The following PLAAT5 variants were observed in gnomAD, a reference collection of about 807,000 sequenced individuals.
PLAAT5 encodes Ca(2+)-independent N-acyltransferase.
Under a neutral mutation model 27.8 loss-of-function variants are expected in PLAAT5, and 27 were observed. The ratio of observed to expected loss-of-function variants is 0.97; its 90% CI spans 0.72 to 1.34. The LOEUF (loss-of-function observed/expected upper bound fraction) is 1.34, where lower values mean the gene tolerates loss of function less well. Among genes scored for constraint, PLAAT5 ranks in the 40% most tolerant of loss-of-function variants. The pLI, the probability that PLAAT5 is intolerant of heterozygous loss-of-function variation, is 0.00. For synonymous variants in PLAAT5, 125 were observed against 136.1 expected (o/e 0.92, Z 0.57); for missense variants, 368 against 343.8 (o/e 1.07, Z -0.56).
Position 63,473,823 on chromosome 11 carries a change from G to A in PLAAT5, c.346-5358C>T, listed in dbSNP as rs143792186. Among the ~76,000 whole-genome samples the A allele has an allele frequency of 7.6e-3, 1,142 of 150,044 alleles. 19 individuals are homozygous for A. Among genetic ancestry groups the A allele is most frequent in the African/African-American group, 0.027 (1,089 of 40,712 alleles). On this transcript the variant is annotated intron_variant, in intron 3 of 5. Coordinates refer to ENST00000540857, the MANE Select transcript of PLAAT5 (RefSeq NM_001146729.2). Reference sequence around the variant, plus strand: ...CACCTCCTGCGTTCAAGTGATTCTCGTGCCTCAGCCTCCCAAGTAGCTGGA... The same window carrying A: ...CACCTCCTGCGTTCAAGTGATTCTCATGCCTCAGCCTCCCAAGTAGCTGGA...
chr11:63,469,145 T>TGTGTGTGTGTGTGTGTGTGA (rs377110717), intron 3 of PLAAT5, among the ~76,000 whole-genome samples: 2 of 122,796 alleles, frequency 1.6e-5, no homozygotes, highest in African/African-American at 5.9e-5. Context: ...TGTGTGTGTG[T>TGTGTGTGTGTGTGTGTGTGA]GAGAGAGAGA....
At chr11:63,483,785 AT>A (rs59511630) in intron 3 of PLAAT5, among the ~76,000 whole-genome samples, 9,946 of 88,428 alleles carry the variant, frequency 0.11, 945 homozygotes, top group African/African-American at 0.25. Context: ...CAAAAAAAAA[AT>A]ATATATATAT....
chr11:63,476,245 A>G (rs2016149001), intron 3 of PLAAT5, among the ~76,000 whole-genome samples: 1 of 152,148 alleles, frequency 6.6e-6, no homozygotes, highest in Admixed American at 6.5e-5. Context: ...TACCTTTCAA[A>G]TTGGTCAGCA....
intron 4 of PLAAT5, 25 bp from the exon 5 acceptor site, chr11:63,466,397 T>C (rs978723452): frequency 3.1e-6 from 5 of 1,610,936 alleles, no homozygotes; most frequent in African/African-American, 2.7e-5. Flanking sequence ...CAAACAAAGG[T>C]TGGGAAATAC....
At chr11:63,479,122 C>T (rs563407618) in intron 3 of PLAAT5, among the ~76,000 whole-genome samples, 1 of 152,246 alleles carries the variant, frequency 6.6e-6, no homozygotes, top group African/African-American at 2.4e-5. Context: ...CCATAAATCC[C>T]GGAAGCCGGT....
In PLAAT5 at chr11:63,488,966, C is replaced by T. The variant is rs980805042; in HGVS notation, c.250G>A (p.Val84Ile). 1.9e-6 allele frequency: 3 copies of T among 1,609,134 alleles called. No individual in the cohort carries two copies. The highest frequency in any genetic ancestry group is 2.6e-6 in the Non-Finnish European group (3 of 1,176,184). ...GRSIQQGEKAVVSLETTPSQK... is the reference protein window; with the variant it reads ...GRSIQQGEKAIVSLETTPSQK... ...CTGGGTGTGGTCTCCAAGCTAACTA[C>T]AGCCTTCTCCCTAAATGATTTTGCA... The change falls in exon 3 of 6, where the codon GTA (valine) becomes ATA (isoleucine). Residue 84 changes from valine to isoleucine, a missense_variant. Physicochemically the swap from Val to Ile is conservative, Grantham distance 29. Coordinates refer to ENST00000540857, the MANE Select transcript of PLAAT5 (RefSeq NM_001146729.2).
chr11:63,482,616 T>A (rs994183994), intron 3 of PLAAT5, among the ~76,000 whole-genome samples: 3 of 152,120 alleles, frequency 2.0e-5, no homozygotes, highest in African/African-American at 7.2e-5. Flanking sequence ...TAAAAGGAGT[T>A]CTAAATCTTG....
chr11:63,484,162 A>G (rs564834688), intron 3 of PLAAT5, among the ~76,000 whole-genome samples: 2 of 150,818 alleles, frequency 1.3e-5, no homozygotes, highest in East Asian at 3.9e-4. Context: ...AACAACAGAA[A>G]AAAAAAAAAA....
At chr11:63,487,930 G>T (rs751359641) in intron 3 of PLAAT5, among the ~76,000 whole-genome samples, 6 of 152,230 alleles carry the variant, frequency 3.9e-5, no homozygotes, top group Non-Finnish European at 7.3e-5. Flanking sequence ...AGGATCATGA[G>T]GTCGGGAGAT....
At chr11:63,476,246 T>C (rs1399221484) in intron 3 of PLAAT5, among the ~76,000 whole-genome samples, 1 of 152,176 alleles carries the variant, frequency 6.6e-6, no homozygotes, top group African/African-American at 2.4e-5. Flanking sequence ...ACCTTTCAAA[T>C]TGGTCAGCAT....
In PLAAT5 at chr11:63,466,099, T is replaced by TG. The variant is rs1250129722; in HGVS notation, c.717+10dup. On this transcript the variant is annotated intron_variant, in intron 5 of 5. Transcript: ENST00000540857. ...TGGAAGAAGCCATCATCAGAGCAAA[T>TG]GGGGTCACACCTGCTGGCTCCGGGG... The TG allele has an allele frequency of 3.7e-6, 6 of 1,611,466 alleles. No individual in the cohort carries two copies. The African/African-American group carries it at 4.0e-5, about 11-fold the overall frequency.
At chr11:63,475,703 T>C (rs1590616823) in intron 3 of PLAAT5, among the ~76,000 whole-genome samples, 2 of 152,202 alleles carry the variant, frequency 1.3e-5, no homozygotes, top group South Asian at 4.1e-4. Flanking sequence ...TCTTTTGCCT[T>C]CTTTTTTGTA....
chr11:63,475,564 A>G (rs893402459), intron 3 of PLAAT5, among the ~76,000 whole-genome samples: 1 of 152,030 alleles, frequency 6.6e-6, no homozygotes, highest in Non-Finnish European at 1.5e-5. Context: ...ATCAAGTCAT[A>G]TGATCTCTGC....
At chr11:63,489,207 G>A (rs551789841) in intron 2 of PLAAT5, among the ~76,000 whole-genome samples, 75 of 152,210 alleles carry the variant, frequency 4.9e-4, no homozygotes, top group South Asian at 6.2e-4. Context: ...AGTTTTGGGG[G>A]TTTTTATTTT....
At chr11:63,471,988 G>A (rs2016037428) in intron 3 of PLAAT5, among the ~76,000 whole-genome samples, 1 of 152,144 alleles carries the variant, frequency 6.6e-6, no homozygotes, top group African/African-American at 2.4e-5. Flanking sequence ...GGAGCTGAAT[G>A]ATGAGAACAC....
rs763657277 is a variant in PLAAT5, at chr11:63,484,159, GAAA to G, written c.345+4709_345+4711del. On this transcript the variant is annotated intron_variant, in intron 3 of 5. Coordinates refer to ENST00000540857, the MANE Select transcript of PLAAT5 (RefSeq NM_001146729.2). ...GTAATTTTTAAAAATGCCAACAACA[GAAA>G]AAAAAAAAAAAGTCCAGGACCAGAC... 1.1e-3 allele frequency among the ~76,000 whole-genome samples: 114 copies of G among 107,246 alleles called. 1 individual carries two copies. Among genetic ancestry groups the G allele is most frequent in the Non-Finnish European group, 3.5e-4 (17 of 48,942 alleles). 70.4% of individuals were successfully genotyped at this position (107,246 alleles called of 152,430 possible).
chr11:63,490,915 C>T lies in PLAAT5; in HGVS notation c.120G>A (p.Ala40=). 1 of 1,602,124 alleles carries T rather than the reference C, an allele frequency of 6.2e-7. No homozygotes were observed. The part of the protein sequence containing the change: ...ASTGPKDQPP[A]LRRSAVPHSE... ...AGTGGGGCACAGCTGAACGTCTGAGCGCAGGCGGCTGGTCCTTGGGCCCGG... is the reference window on the plus strand; with the variant it reads ...AGTGGGGCACAGCTGAACGTCTGAGTGCAGGCGGCTGGTCCTTGGGCCCGG... The change falls in exon 1 of 6, where the codon GCG becomes GCA. Residue 40 remains alanine (A), a synonymous_variant. Coordinates refer to ENST00000540857, the MANE Select transcript of PLAAT5 (RefSeq NM_001146729.2).
In PLAAT5 at chr11:63,480,058, C is replaced by A. The variant is rs553195840; in HGVS notation, c.345+8813G>T. Reference sequence around the variant, plus strand: ...CCACCATATCTAGTGGAGGGCAGGGCTCTCAGAGTCGGCCAAGCCAGCTGG... The same window carrying A: ...CCACCATATCTAGTGGAGGGCAGGGATCTCAGAGTCGGCCAAGCCAGCTGG... On this transcript the variant is annotated intron_variant, in intron 3 of 5. Coordinates refer to ENST00000540857, the MANE Select transcript of PLAAT5 (RefSeq NM_001146729.2). Among the ~76,000 whole-genome samples the A allele has an allele frequency of 6.6e-5, 10 of 152,292 alleles. No homozygotes were observed. The South Asian group carries it at 1.9e-3, about 28-fold the overall frequency.
intron 3 of PLAAT5, among the ~76,000 whole-genome samples, chr11:63,475,375 T>C (rs2016128177): frequency 6.6e-6 from 1 of 152,142 alleles, no homozygotes; most frequent in Admixed American, 6.5e-5. Context: ...TCCTGATGAA[T>C]TCACCTTTTG....
Sources: gnomAD v4.1 joint callset for allele counts (sites outside exome capture counted in the v4.1 genomes callset) on GRCh38, gnomAD v4.1.1 for gene constraint, MANE v1.5 for transcripts, NCBI Gene and HGNC (gene_info 2026-07-23, HGNC 2026-07-21) for gene names.